Variants in UBALD1 observed in about 807,000 individuals in gnomAD.
The protein encoded by UBALD1 is UBA-like domain-containing protein 1.
A neutral mutation model predicts 16.1 loss-of-function variants in UBALD1; 5 were observed. That is an observed-to-expected ratio of 0.31 (90% CI 0.16 to 0.66). The LOEUF (loss-of-function observed/expected upper bound fraction) is 0.66. Among genes scored for constraint, UBALD1 ranks in the 30% least tolerant of loss-of-function variants. The pLI, the probability that UBALD1 is intolerant of heterozygous loss-of-function variation, is 0.77. For synonymous variants in UBALD1, 146 were observed against 105.3 expected (o/e 1.39, Z -2.37); for missense variants, 220 against 252.8 (o/e 0.87, Z 0.88).
chr16:4,609,784 G>A lies in UBALD1; in HGVS notation c.383C>T (p.Ala128Val). Residue 128 changes from alanine (A) to valine (V), a missense_variant, in exon 3 of 3, where the codon GCC (alanine) becomes GTC (valine). Physicochemically the swap from Ala to Val is moderately conservative, Grantham distance 64. This residue lies in a region of UBALD1 where 151 missense variants were observed against 132.6 expected (regional missense o/e 1.14). Coordinates refer to ENST00000283474, the MANE Select transcript of UBALD1 (RefSeq NM_145253.3). ...GTGCTGTGGGCCCCCCGGGGGCGAG[G>A]CCGCCGTGGGCCAGCTGGAGGCCGC... ...SSAASSWPTA[A>V]SPPGGPQHHQ... The A allele has an allele frequency of 6.7e-7, 1 of 1,500,126 alleles. No homozygotes were observed. The highest frequency in any genetic ancestry group is 2.4e-5 in the East Asian group (1 of 42,058). 92.9% of individuals were successfully genotyped at this position (1,500,126 alleles called of 1,614,324 possible).
intron 1 of UBALD1, chr16:4,611,569 T>G (rs982242660): frequency 2.6e-5 from 4 of 152,398 alleles, no homozygotes; most frequent in African/African-American, 9.7e-5. Flanking sequence ...GGCAGGGAAA[T>G]GAAGGTAGGA....
chr16:4,610,584 T>C (rs2141783821), intron 1 of UBALD1, 29 bp from the exon 2 acceptor site: 2 of 1,589,872 alleles, frequency 1.3e-6, no homozygotes, highest in Non-Finnish European at 1.7e-6. Context: ...CTGCTCACCC[T>C]CCAGGCCCCC....
At chr16:4,612,609 T>C (rs959771240) in intron 1 of UBALD1, among the ~76,000 whole-genome samples, 1 of 151,950 alleles carries the variant, frequency 6.6e-6, no homozygotes, top group Non-Finnish European at 1.5e-5. Context: ...CATTCTCCAT[T>C]GAGAAACATC....
chr16:4,614,828 C>T lies in UBALD1; in HGVS notation c.-31G>A. The T allele has an allele frequency of 6.8e-7, 1 of 1,480,258 alleles. No individual in the cohort carries two copies. Among genetic ancestry groups the T allele is most frequent in the Non-Finnish European group, 9.0e-7 (1 of 1,116,106 alleles). The allele number at this position is 1,480,258 out of a possible 1,614,324, so 91.7% of individuals were successfully genotyped here. ...CGCCGCGCTGCCCGCTCCGGCCTCC[C>T]TCCTCCGCCCGCGCCTCCGCCTCAC... On this transcript the variant is annotated 5_prime_UTR_variant, in exon 1 of 3. Transcript: ENST00000283474.
At position 4,614,235 on chromosome 16, in the gene UBALD1, G is replaced by A. The variant is rs977540381; in HGVS notation, c.120+443C>T. On this transcript the variant is annotated intron_variant, in intron 1 of 2. Coordinates refer to ENST00000283474, the MANE Select transcript of UBALD1 (RefSeq NM_145253.3). ...AACACAAATGCACATGGACGTGTGC[G>A]CACGCCGCCGACCGCCCACCAGGCA... is the stretch of plus-strand genomic sequence containing the variant. 99 of 335,032 alleles carry A rather than the reference G, an allele frequency of 3.0e-4. No homozygotes were observed. In the East Asian group the frequency reaches 4.2e-3, roughly 14 times the overall value. The allele number at this position is 335,032 out of a possible 1,614,324, so 20.8% of individuals were successfully genotyped here.
intron 1 of UBALD1, among the ~76,000 whole-genome samples, chr16:4,613,632 G>T (rs956258734): frequency 5.9e-5 from 9 of 152,154 alleles, no homozygotes; most frequent in South Asian, 2.1e-4. Context: ...GGATGGCTGA[G>T]GCCATGACCC....
chr16:4,610,546 T>C lies in UBALD1; in HGVS notation c.130A>G (p.Ser44Gly). ...ATGTTGGTCTCCTGGAAAAAGGCGC[T>C]GAGGGCTGTCTGCAGGAAGAAAGGC... ...AAHWQFETALSAFFQETNIPY... is the reference protein window; with the variant it reads ...AAHWQFETALGAFFQETNIPY... Residue 44 changes from serine to glycine, a missense_variant, in exon 2 of 3, where the codon AGC becomes GGC. By Grantham distance (56) the Ser-to-Gly change is moderately conservative. Coordinates refer to ENST00000283474, the MANE Select transcript of UBALD1 (RefSeq NM_145253.3). 1 of 1,612,080 alleles carries C rather than the reference T, an allele frequency of 6.2e-7. No homozygotes were observed. Among genetic ancestry groups the C allele is most frequent in the Non-Finnish European group, 8.5e-7 (1 of 1,179,312 alleles).
intron 1 of UBALD1, among the ~76,000 whole-genome samples, chr16:4,612,871 C>A (rs570369684): frequency 2.3e-4 from 35 of 152,206 alleles, no homozygotes; most frequent in Non-Finnish European, 4.4e-4. Context: ...GTGGAGGGCA[C>A]AGGGCTCCTC....
chr16:4,614,542 G>A (rs113549356), intron 1 of UBALD1, 136 bp downstream of exon 1: 2 of 1,311,640 alleles, frequency 1.5e-6, no homozygotes, highest in Non-Finnish European at 2.0e-6. Context: ...ACCGCCGTCG[G>A]GAAAGCGGGT....
In UBALD1 at chr16:4,609,865, G is replaced by A. The variant is rs867318342; in HGVS notation, c.302C>T (p.Ala101Val). ...FHSGGSGSPM[A>V]ATATSPPPHF... ...TGGCGGGGGTGACGTGGCTGTCGCG[G>A]CCATCGGGCTGCCGCTGCCACCGCT... The change falls in exon 3 of 3, where the codon GCC becomes GTC. Residue 101 changes from alanine (A) to valine (V), a missense_variant. Transcript: ENST00000283474. 1 of 1,528,658 alleles carries A rather than the reference G, an allele frequency of 6.5e-7. No homozygotes were observed. The highest frequency in any genetic ancestry group is 1.3e-5 in the South Asian group (1 of 78,868). 94.7% of individuals were successfully genotyped at this position (1,528,658 alleles called of 1,614,324 possible).
chr16:4,614,630 A>G, intron 1 of UBALD1, 48 bp downstream of exon 1: 1 of 1,376,408 alleles, frequency 7.3e-7, no homozygotes, highest in Non-Finnish European at 9.4e-7. Context: ...CACGCGGGAC[A>G]CACTCCGCCC....
Position 4,610,529 on chromosome 16 carries a change from C to T in UBALD1, c.147G>A (p.Glu49=), listed in dbSNP as rs1897346402. 4 of 1,612,472 alleles carry T rather than the reference C, an allele frequency of 2.5e-6. No individual in the cohort carries two copies. The highest frequency in any genetic ancestry group is 1.7e-5 in the Admixed American group (1 of 59,844). ...FETALSAFFQ[E]TNIPYSHHHH... ...GATGGTGGCTGTAGGGGATGTTGGT[C>T]TCCTGGAAAAAGGCGCTGAGGGCTG... The change falls in exon 2 of 3, where the codon GAG becomes GAA. Residue 49 remains glutamate (E), a synonymous_variant. Transcript: ENST00000283474.
At chr16:4,610,065 C>T (rs1897339450) in intron 2 of UBALD1, 82 bp from the exon 3 acceptor site, 2 of 1,084,494 alleles carry the variant, frequency 1.8e-6, no homozygotes, top group Non-Finnish European at 2.8e-6. Context: ...AGATGCGTGG[C>T]TGGCCCATTC....
intron 1 of UBALD1, 52 bp downstream of exon 1, chr16:4,614,626 G>C: frequency 1.5e-6 from 2 of 1,369,702 alleles, no homozygotes; most frequent in African/African-American, 1.5e-5. Context: ...CGGCCACGCG[G>C]GACACACTCC....
chr16:4,609,971 C>T lies in UBALD1; in HGVS notation c.196G>A (p.Ala66Thr), dbSNP rs569411737. The T allele has an allele frequency of 2.2e-5, 33 of 1,534,148 alleles. No homozygotes were observed. The highest frequency in any genetic ancestry group is 8.0e-5 in the African/African-American group (5 of 62,570). ...TTGGGGGGTGTAGCAGGGGTATTGG[C>T]GGGGGTGCACATCTGTGAGGGGAAG... is the stretch of plus-strand genomic sequence containing the variant. ...HHHHQMMCTP[A>T]NTPATPPNFP... is the part of the protein sequence containing the mutation. The change falls in exon 3 of 3, where the codon GCC becomes ACC. Residue 66 changes from alanine to threonine, a missense_variant. By Grantham distance (58) the Ala-to-Thr change is moderately conservative. This residue lies in a region of UBALD1 where 69 missense variants were observed against 120.3 expected (regional missense o/e 0.57). Transcript: ENST00000283474.
At position 4,609,509 on chromosome 16, in the gene UBALD1, C is replaced by A. The variant is rs1307219144; in HGVS notation, c.*124G>T. ...TGTCCCTGCCTGGCTAGAGTCCGCG[C>A]TCTCCCCTCCAGGGCTCCGGGGAAC... On this transcript the variant is annotated 3_prime_UTR_variant, in exon 3 of 3. Transcript: ENST00000283474. 1.1e-5 allele frequency: 5 copies of A among 452,472 alleles called. No individual in the cohort carries two copies. In the Admixed American group the frequency reaches 1.6e-4, roughly 14 times the overall value. 28.0% of individuals were successfully genotyped at this position (452,472 alleles called of 1,614,324 possible).
chr16:4,611,643 G>A (rs1897359156), intron 1 of UBALD1: 1 of 153,024 alleles, frequency 6.5e-6, no homozygotes, highest in Non-Finnish European at 1.5e-5. Context: ...GAAAGGCCAG[G>A]ACAGGTGGGG....
chr16:4,610,142 G>C (rs1386434606), intron 2 of UBALD1, 159 bp from the exon 3 acceptor site: 1 of 752,742 alleles, frequency 1.3e-6, no homozygotes, highest in Non-Finnish European at 2.3e-6. Flanking sequence ...TCCCAGAGGA[G>C]AAGCCTTGAG....
At chr16:4,613,138 T>C (rs1897378658) in intron 1 of UBALD1, among the ~76,000 whole-genome samples, 2 of 151,974 alleles carry the variant, frequency 1.3e-5, no homozygotes. Context: ...GTAACTGCCA[T>C]GAATGCGGTT....
Sources: gnomAD v4.1 joint callset for allele counts (sites outside exome capture counted in the v4.1 genomes callset) on GRCh38, gnomAD v4.1.1 for gene constraint, gnomAD v4.1.1 regional missense constraint, MANE v1.5 for transcripts, NCBI Gene and HGNC (gene_info 2026-07-23, HGNC 2026-07-21) for gene names.